PHF21A: variants seen among roughly 807,000 people sequenced by gnomAD.
PHF21A encodes the protein BHC80a.
PHF21A carries 11 observed loss-of-function variants against 82.5 expected under a neutral mutation model. The observed-to-expected ratio is 0.13, with a 90% CI of 0.08 to 0.22. The LOEUF is 0.22. Ranked by LOEUF, PHF21A falls within the 10% of genes least tolerant of loss-of-function variation. PHF21A has a pLI of 1.00. For synonymous variants in PHF21A, 297 were observed against 302.8 expected (o/e 0.98, Z 0.20); for missense variants, 579 against 837.8 (o/e 0.69, Z 3.81).
intron 10 of PHF21A, among the ~76,000 whole-genome samples, chr11:45,958,606 C>CA (rs1475000304): frequency 1.3e-5 from 2 of 148,734 alleles, no homozygotes; most frequent in Non-Finnish European, 3.0e-5. Context: ...GCCCTGTCTC[C>CA]AAAAAATAAC....
intron 7 of PHF21A, among the ~76,000 whole-genome samples, chr11:45,978,307 A>G (rs1168927282): frequency 6.6e-6 from 1 of 151,458 alleles, no homozygotes; most frequent in African/African-American, 2.4e-5. Context: ...TCTCAAAAAA[A>G]CAATAACAAA....
At chr11:46,018,335 A>T (rs1007249822) in intron 6 of PHF21A, among the ~76,000 whole-genome samples, 1 of 152,054 alleles carries the variant, frequency 6.6e-6, no homozygotes, top group Middle Eastern at 3.2e-3. Flanking sequence ...ATGCCCAATG[A>T]TCTGTTAGCT....
chr11:46,054,750 T>C (rs946989764), intron 6 of PHF21A, among the ~76,000 whole-genome samples: 1 of 152,222 alleles, frequency 6.6e-6, no homozygotes, highest in African/African-American at 2.4e-5. Context: ...TGTTCATCAC[T>C]GAGGCTGAGT....
At chr11:46,016,858 G>A (rs756566365) in intron 6 of PHF21A, among the ~76,000 whole-genome samples, 1 of 151,520 alleles carries the variant, frequency 6.6e-6, no homozygotes, top group Non-Finnish European at 1.5e-5. Flanking sequence ...AAACAGACAC[G>A]ACCTCAACCA....
At chr11:45,935,838 C>T in intron 17 of PHF21A, 99 bp from the exon 18 acceptor site, 2 of 670,330 alleles carry the variant, frequency 3.0e-6, no homozygotes, top group Non-Finnish European at 5.1e-6. Flanking sequence ...GGTATTTTCC[C>T]CAGAGCTCCC....
rs1165901172 is a variant in PHF21A, at chr11:45,979,021, C to CTT, written c.360+737_360+738dup. ...TGAATAGTGCAAATATAGCACTCTTCTTTTTTTTTTTTTGAGACGGAGTTT... is the reference window on the plus strand; with the variant it reads ...TGAATAGTGCAAATATAGCACTCTTCTTTTTTTTTTTTTTTGAGACGGAGTTT... On this transcript the variant is annotated intron_variant, in intron 7 of 18. Transcript: ENST00000676320. Among the ~76,000 whole-genome samples, 3 of 142,992 alleles carry CTT rather than the reference C, an allele frequency of 2.1e-5. 1 individual carries two copies. The highest frequency in any genetic ancestry group is 4.4e-4 in the South Asian group (2 of 4,508). 93.8% of individuals were successfully genotyped at this position (142,992 alleles called of 152,430 possible). A position where few individuals can be genotyped will look rare whatever the true frequency, so the allele number is the denominator to read the frequency against.
chr11:46,076,686 G>C, intron 6 of PHF21A, 68 bp downstream of exon 6: 1 of 1,258,294 alleles, frequency 7.9e-7, no homozygotes, highest in Non-Finnish European at 1.1e-6. Context: ...AGTTCTCTTA[G>C]AAGCCTCGAG....
intron 6 of PHF21A, among the ~76,000 whole-genome samples, chr11:46,007,696 T>C (rs114029809): frequency 7.9e-4 from 120 of 152,322 alleles, no homozygotes; most frequent in African/African-American, 2.9e-3. Flanking sequence ...AAATCCGTCA[T>C]TTTAAAATTT....
chr11:45,943,233 C>T (rs889509652), intron 15 of PHF21A, among the ~76,000 whole-genome samples: 5 of 151,152 alleles, frequency 3.3e-5, no homozygotes, highest in Admixed American at 1.3e-4. Flanking sequence ...AGTGATCCTC[C>T]CACCTCAGCC....
intron 15 of PHF21A, among the ~76,000 whole-genome samples, chr11:45,941,580 C>T (rs1290368324): frequency 1.3e-5 from 2 of 152,178 alleles, no homozygotes; most frequent in African/African-American, 2.4e-5. Context: ...CCAGACTACA[C>T]TTTGAGAACT....
At chr11:46,078,876 AT>A (rs1779599002) in intron 5 of PHF21A, among the ~76,000 whole-genome samples, 1 of 152,122 alleles carries the variant, frequency 6.6e-6, no homozygotes, top group Admixed American at 6.5e-5. Flanking sequence ...TTAACTCAAT[AT>A]TTTTCTCTAA....
rs973474005 is a variant in PHF21A at position 45,975,953 on chromosome 11, C to T, written c.360+3807G>A. Reference sequence around the variant, plus strand: ...TGCCATATATAACCTCCCATTCGTCCTTGCCCTCATACATTAAATATATGT... The same window carrying T: ...TGCCATATATAACCTCCCATTCGTCTTTGCCCTCATACATTAAATATATGT... On this transcript the variant is annotated intron_variant, in intron 7 of 18. Coordinates refer to ENST00000676320, the MANE Select transcript of PHF21A (RefSeq NM_001352027.3). Among the ~76,000 whole-genome samples, 8 of 152,208 alleles carry T rather than the reference C, an allele frequency of 5.3e-5. No homozygotes were observed. In the East Asian group the frequency reaches 7.7e-4, roughly 15 times the overall value.
chr11:46,066,702 A>AATAAAATACAAACAAACAAAATAC (rs2096598257), intron 6 of PHF21A, among the ~76,000 whole-genome samples: 7 of 152,170 alleles, frequency 4.6e-5, no homozygotes, highest in Non-Finnish European at 1.0e-4. Flanking sequence ...TTGCCTCTAA[A>AATAAAATACAAACAAACAAAATAC]AATAATAAAC....
intron 1 of PHF21A, among the ~76,000 whole-genome samples, chr11:46,094,922 C>A (rs906772071): frequency 6.6e-6 from 1 of 152,080 alleles, no homozygotes; most frequent in Non-Finnish European, 1.5e-5. Flanking sequence ...TCATGAAATC[C>A]TTTAAACCTA....
chr11:45,969,914 G>A lies in PHF21A; in HGVS notation c.613-10C>T. ...GTGTTGCCTGAACCTGCTAAAAAATGAGGAAGATAAATAAACCAGAGAGAA... is the reference window on the plus strand; with the variant it reads ...GTGTTGCCTGAACCTGCTAAAAAATAAGGAAGATAAATAAACCAGAGAGAA... On this transcript the variant is annotated splice_polypyrimidine_tract_variant and intron_variant, in intron 8 of 18. Coordinates refer to ENST00000676320, the MANE Select transcript of PHF21A (RefSeq NM_001352027.3). 2 of 1,586,302 alleles carry A rather than the reference G, an allele frequency of 1.3e-6. No individual in the cohort carries two copies. The highest frequency in any genetic ancestry group is 2.2e-5 in the South Asian group (2 of 89,936).
intron 12 of PHF21A, 152 bp downstream of exon 12, chr11:45,950,054 A>G (rs1017641903): frequency 8.1e-6 from 5 of 613,972 alleles, no homozygotes; most frequent in African/African-American, 1.9e-5. Context: ...AGGGAAGGCA[A>G]TTTTCCCACT....
chr11:45,978,330 CA>C (rs911303480), intron 7 of PHF21A, among the ~76,000 whole-genome samples: 2 of 132,536 alleles, frequency 1.5e-5, no homozygotes, highest in African/African-American at 5.0e-5. Flanking sequence ...AACAAACAAA[CA>C]AAAAAACAGA....
chr11:45,976,144 C>T (rs1380104987), intron 7 of PHF21A, among the ~76,000 whole-genome samples: 1 of 152,080 alleles, frequency 6.6e-6, no homozygotes, highest in African/African-American at 2.4e-5. Flanking sequence ...CTTACGATTC[C>T]CAGGGCATAC....
intron 1 of PHF21A, among the ~76,000 whole-genome samples, chr11:46,108,056 T>C (rs1445994405): frequency 6.6e-6 from 1 of 152,154 alleles, no homozygotes; most frequent in Non-Finnish European, 1.5e-5. Flanking sequence ...ATATTACATG[T>C]ATTATCTTGG....
Sources: gnomAD v4.1 joint callset for allele counts (sites outside exome capture counted in the v4.1 genomes callset) on GRCh38, gnomAD v4.1.1 for gene constraint, MANE v1.5 for transcripts, NCBI Gene and HGNC (gene_info 2026-07-23, HGNC 2026-07-21) for gene names.